Variants in CACNA1I observed in about 807,000 individuals in gnomAD.
CACNA1I encodes the protein voltage-dependent T-type calcium channel subunit alpha-1I.
CACNA1I carries 74 observed loss-of-function variants against 201.6 expected under a neutral mutation model. That is an observed-to-expected ratio of 0.37 (90% CI 0.30 to 0.45). CACNA1I has a LOEUF of 0.45. Ranked by LOEUF, CACNA1I falls within the 20% of genes least tolerant of loss-of-function variation. CACNA1I has a pLI of 1.00. For missense variants in CACNA1I, 2,346 were observed against 3,138.1 expected (o/e 0.75, Z 6.03); for synonymous variants, 1,431 against 1,345.2 (o/e 1.06, Z -1.40).
In CACNA1I at chr22:39,649,356, C is replaced by A; in HGVS notation, c.1568-145C>A. On this transcript the variant is annotated intron_variant, in intron 9 of 36. Transcript: ENST00000402142. This position sits in a 1 kb window ranked among gnomAD's most constrained non-coding sequence, Gnocchi z 7.3. ...AGAGAGCTGCAGCCGCTTCCCCAGGCACCCCTGACCGCCTTTCCAGGCTGG... is the reference window on the plus strand; with the variant it reads ...AGAGAGCTGCAGCCGCTTCCCCAGGAACCCCTGACCGCCTTTCCAGGCTGG... 1.3e-6 allele frequency: 1 copy of A among 788,348 alleles called. No individual in the cohort carries two copies. Among genetic ancestry groups the A allele is most frequent in the Non-Finnish European group, 1.9e-6 (1 of 515,600 alleles). The allele number at this position is 788,348 out of a possible 1,614,324, so 48.8% of individuals were successfully genotyped here. A position where few individuals can be genotyped will look rare whatever the true frequency, so the allele number is the denominator to read the frequency against.
At chr22:39,658,347 G>T in intron 11 of CACNA1I, 44 bp downstream of exon 11, 4 of 1,583,450 alleles carry the variant, frequency 2.5e-6, no homozygotes, top group Non-Finnish European at 3.5e-6. Flanking sequence ...GCCTCGGGGG[G>T]ACATTTACTG....
chr22:39,646,845 A>G lies in CACNA1I; in HGVS notation c.1426A>G (p.Lys476Glu). 5 of 1,526,662 alleles carry G rather than the reference A, an allele frequency of 3.3e-6. No individual in the cohort carries two copies. Among genetic ancestry groups the G allele is most frequent in the Non-Finnish European group, 4.4e-6 (5 of 1,137,886 alleles). 94.6% of individuals were successfully genotyped at this position (1,526,662 alleles called of 1,614,324 possible). A position where few individuals can be genotyped will look rare whatever the true frequency, so the allele number is the denominator to read the frequency against. The stretch of plus-strand genomic sequence containing the variant: ...GGGCCCGGAGGCCCCGGCCCCCGCC[A>G]AACCTGGGCCCCACGCCAAGGAGCC... ...ALGPEAPAPA[K>E]PGPHAKEPRH... Residue 476 changes from lysine to glutamate, a missense_variant, in exon 8 of 37, where the codon AAA becomes GAA. Transcript: ENST00000402142.
intron 3 of CACNA1I, among the ~76,000 whole-genome samples, chr22:39,615,254 C>T (rs1022138935): frequency 5.9e-5 from 9 of 152,124 alleles, no homozygotes; most frequent in Non-Finnish European, 1.3e-4. Context: ...AGCAGACACT[C>T]GGGGGAGATG....
chr22:39,621,250 AC>A (rs1933735107), intron 4 of CACNA1I, among the ~76,000 whole-genome samples: 1 of 152,028 alleles, frequency 6.6e-6, no homozygotes, highest in Non-Finnish European at 1.5e-5. Context: ...GCTGTGTCTG[AC>A]CCCTTGCTTC....
intron 1 of CACNA1I, among the ~76,000 whole-genome samples, chr22:39,577,712 G>A (rs1356208863): frequency 6.6e-6 from 1 of 152,238 alleles, no homozygotes; most frequent in Non-Finnish European, 1.5e-5. Flanking sequence ...AAACGACGGT[G>A]GACCAGCGTG....
In CACNA1I at chr22:39,659,711, G is replaced by A; in HGVS notation, c.2463G>A (p.Glu821=). The A allele has an allele frequency of 2.5e-6, 4 of 1,613,900 alleles. No individual in the cohort carries two copies. Among genetic ancestry groups the A allele is most frequent in the Non-Finnish European group, 3.4e-6 (4 of 1,179,862 alleles). ...CTCCCCAACAGATCCTCACCCAGGA[G>A]GACTGGAACGTCGTTCTCTACAATG... ...IVTVFQILTQ[E]DWNVVLYNGM... Residue 821 remains glutamate, a synonymous_variant, in exon 14 of 37, where the codon GAG becomes GAA. Coordinates refer to ENST00000402142, the MANE Select transcript of CACNA1I (RefSeq NM_021096.4). The surrounding 1 kb of genome is among the most constrained non-coding windows in gnomAD (Gnocchi z 4.3).
chr22:39,686,629 T>TATATATATATATATATATATGC lies in CACNA1I; in HGVS notation c.*244_*245insGCATATATATATATATATATAT, dbSNP rs1935893278. 2 of 109,322 alleles carry TATATATATATATATATATATGC rather than the reference T, an allele frequency of 1.8e-5. No homozygotes were observed. Among genetic ancestry groups the TATATATATATATATATATATGC allele is most frequent in the African/African-American group, 1.7e-4 (2 of 11,836 alleles). The allele number at this position is 109,322 out of a possible 1,614,324, so 6.8% of individuals were successfully genotyped here. A position where few individuals can be genotyped will look rare whatever the true frequency, so the allele number is the denominator to read the frequency against. ...ACATACATATATATATATATATGCATATATATATATATATATATATATATG... is the reference window on the plus strand; with the variant it reads ...ACATACATATATATATATATATGCATATATATATATATATATATATGCATATATATATATATATATATATATG... On this transcript the variant is annotated 3_prime_UTR_variant, in exon 37 of 37. Transcript: ENST00000402142.
chr22:39,641,301 T>C, intron 6 of CACNA1I, 119 bp downstream of exon 6: 1 of 809,808 alleles, frequency 1.2e-6, no homozygotes, highest in Non-Finnish European at 2.0e-6. Context: ...CCCAGCTTGC[T>C]GGCAGAATAG....
chr22:39,591,501 A>G (rs1262807982), intron 1 of CACNA1I, among the ~76,000 whole-genome samples: 1 of 151,884 alleles, frequency 6.6e-6, no homozygotes, highest in Non-Finnish European at 1.5e-5. Context: ...GCGAAGATTC[A>G]GTATGCTGCA....
intron 3 of CACNA1I, among the ~76,000 whole-genome samples, chr22:39,618,411 G>A (rs1194563507): frequency 1.3e-5 from 2 of 151,852 alleles, no homozygotes; most frequent in African/African-American, 4.8e-5. Context: ...GTGGTTGTGT[G>A]CATGTACGTG....
intron 4 of CACNA1I, among the ~76,000 whole-genome samples, chr22:39,626,160 C>T (rs994481729): frequency 6.6e-6 from 1 of 152,230 alleles, no homozygotes; most frequent in African/African-American, 2.4e-5. Context: ...GGTCCCAGGG[C>T]CTCCACCCAC....
chr22:39,686,485 A>T lies in CACNA1I; in HGVS notation c.*80A>T. The T allele has an allele frequency of 9.7e-7, 1 of 1,031,914 alleles. No individual in the cohort carries two copies. Among genetic ancestry groups the T allele is most frequent in the Non-Finnish European group, 1.2e-6 (1 of 811,112 alleles). The allele number at this position is 1,031,914 out of a possible 1,614,324, so 63.9% of individuals were successfully genotyped here. A position where few individuals can be genotyped will look rare whatever the true frequency, so the allele number is the denominator to read the frequency against. On this transcript the variant is annotated 3_prime_UTR_variant, in exon 37 of 37. Transcript: ENST00000402142. Reference sequence around the variant, plus strand: ...TCAGGAGCCAGGAGCAGACAGCAATACTTCGTCCACACCTGGGATCGCGCA... The same window carrying T: ...TCAGGAGCCAGGAGCAGACAGCAATTCTTCGTCCACACCTGGGATCGCGCA...
chr22:39,573,140 G>T (rs1190043916), intron 1 of CACNA1I, among the ~76,000 whole-genome samples: 5 of 152,282 alleles, frequency 3.3e-5, no homozygotes, highest in Non-Finnish European at 7.4e-5. Context: ...TGAGAAGGGG[G>T]CGGCCGCAGG....
In CACNA1I at chr22:39,659,921, C is replaced by T. The variant is rs1283915124; in HGVS notation, c.2604+69C>T. 4.4e-6 allele frequency: 7 copies of T among 1,577,778 alleles called. No individual in the cohort carries two copies. In the African/African-American group the frequency reaches 8.1e-5, roughly 18 times the overall value. On this transcript the variant is annotated intron_variant, in intron 14 of 36. Coordinates refer to ENST00000402142, the MANE Select transcript of CACNA1I (RefSeq NM_021096.4). This position sits in a 1 kb window ranked among gnomAD's most constrained non-coding sequence, Gnocchi z 4.3. Reference sequence around the variant, plus strand: ...GAAAGACTGGGCGAGGGAGAGGTGGCCTGGATGGGGGAGGGCTGCAATTCA... The same window carrying T: ...GAAAGACTGGGCGAGGGAGAGGTGGTCTGGATGGGGGAGGGCTGCAATTCA...
At chr22:39,585,727 G>GTTTTTTT (rs34320968) in intron 1 of CACNA1I, among the ~76,000 whole-genome samples, 6 of 83,900 alleles carry the variant, frequency 7.2e-5, no homozygotes, top group Non-Finnish European at 8.1e-5. Flanking sequence ...AACTTTTAAA[G>GTTTTTTT]TTTTTTTTTT....
intron 1 of CACNA1I, among the ~76,000 whole-genome samples, chr22:39,575,406 G>T (rs564962612): frequency 1.3e-5 from 2 of 152,298 alleles, no homozygotes; most frequent in Admixed American, 1.3e-4. Context: ...AACTGGAAAA[G>T]CCACCATATG....
At chr22:39,600,804 G>A (rs532552659) in intron 3 of CACNA1I, among the ~76,000 whole-genome samples, 151 bp downstream of exon 3, 1 of 152,280 alleles carries the variant, frequency 6.6e-6, no homozygotes, top group Admixed American at 6.5e-5. Flanking sequence ...ATGATGGACA[G>A]ACAGACATTC....
rs1474021563 is a variant in CACNA1I, at chr22:39,679,482, G to C, written c.5394+37G>C. Reference sequence around the variant, plus strand: ...CTGGAGAGGTGTGAGGGTCGCCAGAGGGGGGGCACCGCAGGGCCAGATGGG... The same window carrying C: ...CTGGAGAGGTGTGAGGGTCGCCAGACGGGGGGCACCGCAGGGCCAGATGGG... On this transcript the variant is annotated intron_variant, in intron 32 of 36. Transcript: ENST00000402142. The C allele has an allele frequency of 5.9e-6, 8 of 1,345,394 alleles. No homozygotes were observed. In the Admixed American group the frequency reaches 1.3e-4, roughly 22 times the overall value. 83.3% of individuals were successfully genotyped at this position (1,345,394 alleles called of 1,614,324 possible).
intron 15 of CACNA1I, 86 bp downstream of exon 15, chr22:39,660,523 C>T (rs1453470685): frequency 2.4e-6 from 2 of 828,782 alleles, no homozygotes; most frequent in African/African-American, 1.7e-5. Context: ...TCTGACTCCA[C>T]CTCAAGCCCA....
Sources: allele counts gnomAD v4.1 joint callset (sites outside exome capture counted in the v4.1 genomes callset), GRCh38; gene constraint gnomAD v4.1.1; non-coding constraint Gnocchi (gnomAD v3.1); transcripts MANE v1.5; gene names NCBI Gene and HGNC (gene_info 2026-07-23, HGNC 2026-07-21).